SGCZ: variants seen among roughly 807,000 people sequenced by gnomAD.
SGCZ encodes the protein zeta-sarcoglycan.
Under a neutral mutation model 41.3 loss-of-function variants are expected in SGCZ, and 40 were observed. That is an observed-to-expected ratio of 0.97 (90% CI 0.75 to 1.26). SGCZ has a LOEUF of 1.26. SGCZ is among the 50% of genes most tolerant of loss of function. The pLI is 0.00. For missense variants in SGCZ, 552 were observed against 369.8 expected (o/e 1.49, Z -4.04); for synonymous variants, 206 against 137.5 (o/e 1.50, Z -3.49).
chr8:14,619,965 A>T (rs879797670), intron 1 of SGCZ, among the ~76,000 whole-genome samples: 84 of 152,330 alleles, frequency 5.5e-4, no homozygotes, highest in South Asian at 1.9e-3. Flanking sequence ...GAACCAAAAA[A>T]GGGCCCGCAT....
intron 1 of SGCZ, among the ~76,000 whole-genome samples, chr8:15,066,309 C>T (rs1052231852): frequency 1.9e-5 from 2 of 105,718 alleles, no homozygotes; most frequent in Non-Finnish European, 2.1e-5. Context: ...AGCGAGACTC[C>T]GTCTCCAAAA....
intron 1 of SGCZ, among the ~76,000 whole-genome samples, chr8:15,095,158 G>C (rs7825260): frequency 6.6e-6 from 1 of 151,978 alleles, no homozygotes; most frequent in Non-Finnish European, 1.5e-5. Flanking sequence ...GAGTGCAATG[G>C]CGTGATCTCA....
chr8:14,847,126 AAAGAAGAAGAAG>A (rs61002020), intron 1 of SGCZ, among the ~76,000 whole-genome samples: 2,568 of 126,414 alleles, frequency 0.02, 56 homozygotes, highest in African/African-American at 0.043. Flanking sequence ...GAAGAAGAAG[AAAGAAGAAGAAG>A]AAGAAGAAGA....
In SGCZ at chr8:14,754,022, GA is replaced by G. The variant is rs375607697; in HGVS notation, c.40-199097del. 4.5e-3 allele frequency among the ~76,000 whole-genome samples: 680 copies of G among 151,190 alleles called. 1 individual carries two copies. Among genetic ancestry groups the G allele is most frequent in the East Asian group, 9.7e-3 (50 of 5,162 alleles). On this transcript the variant is annotated intron_variant, in intron 1 of 7. Transcript: ENST00000382080. ...TTCAATTCAGGGCTATCTCATATAG[GA>G]AAAAAAAAGTTTGTTGCTTTGTTTG...
At chr8:14,823,237 C>T (rs1005165436) in intron 1 of SGCZ, among the ~76,000 whole-genome samples, 3 of 151,866 alleles carry the variant, frequency 2.0e-5, no homozygotes, top group South Asian at 4.2e-4. Context: ...AACAGAATTA[C>T]ATCAAACAAA....
At chr8:14,877,301 G>C (rs1411741169) in intron 1 of SGCZ, among the ~76,000 whole-genome samples, 3 of 152,100 alleles carry the variant, frequency 2.0e-5, no homozygotes. Flanking sequence ...GTATCTCTTT[G>C]TTTAGGCTAA....
At chr8:15,058,269 C>G (rs962012806) in intron 1 of SGCZ, among the ~76,000 whole-genome samples, 4 of 152,044 alleles carry the variant, frequency 2.6e-5, no homozygotes, top group Non-Finnish European at 4.4e-5. Context: ...CTCCATGTAT[C>G]TTTTCTATAC....
chr8:14,587,451 G>A (rs1464235327), intron 1 of SGCZ, among the ~76,000 whole-genome samples: 2 of 151,698 alleles, frequency 1.3e-5, no homozygotes, highest in African/African-American at 2.4e-5. Context: ...GCAGGAATAT[G>A]GCTTAAGCCT....
In SGCZ at chr8:14,769,008, T is replaced by C. The variant is rs191691905; in HGVS notation, c.40-214082A>G. Among the ~76,000 whole-genome samples the C allele has an allele frequency of 6.0e-3, 914 of 152,012 alleles. 4 individuals carry two copies. The highest frequency in any genetic ancestry group is 9.3e-3 in the Non-Finnish European group (632 of 67,944). On this transcript the variant is annotated intron_variant, in intron 1 of 7. Coordinates refer to ENST00000382080, the MANE Select transcript of SGCZ (RefSeq NM_139167.4). ...TAGATACGGGCTGAAATGTTTAAGATGGTTGAACACTCTCTGATACACACA... is the reference window on the plus strand; with the variant it reads ...TAGATACGGGCTGAAATGTTTAAGACGGTTGAACACTCTCTGATACACACA...
intron 2 of SGCZ, among the ~76,000 whole-genome samples, chr8:14,420,748 A>G (rs1243584452): frequency 6.6e-6 from 1 of 152,076 alleles, no homozygotes; most frequent in Non-Finnish European, 1.5e-5. Context: ...TTCCTAGTTG[A>G]GTATGTTTGT....
At chr8:15,212,677 T>A (rs996268604) in intron 1 of SGCZ, among the ~76,000 whole-genome samples, 9 of 152,096 alleles carry the variant, frequency 5.9e-5, no homozygotes, top group Non-Finnish European at 7.4e-5. Context: ...AAAACTGTTT[T>A]GGCATCTTAG....
At chr8:14,110,653 G>A (rs1202705865) in intron 5 of SGCZ, among the ~76,000 whole-genome samples, 2 of 152,114 alleles carry the variant, frequency 1.3e-5, no homozygotes, top group Admixed American at 6.6e-5. Context: ...TGTCCTGAAT[G>A]AGCCAAAGGT....
intron 1 of SGCZ, among the ~76,000 whole-genome samples, chr8:15,209,475 T>A (rs1260589343): frequency 7.0e-6 from 1 of 142,110 alleles, no homozygotes; most frequent in Admixed American, 7.2e-5. Context: ...AGCATAATAG[T>A]AAAAAAAAAA....
intron 1 of SGCZ, among the ~76,000 whole-genome samples, chr8:14,679,898 CTTTAAATAATTTTGATACACACTTACCA>C (rs1808389667): frequency 6.6e-6 from 1 of 151,672 alleles, no homozygotes; most frequent in Non-Finnish European, 1.5e-5. Context: ...ATTTTTTTAA[CTTTAAATAATTTTGATACACACTTACCA>C]TTGTGTTACA....
intron 1 of SGCZ, among the ~76,000 whole-genome samples, chr8:14,695,224 G>C (rs146397778): frequency 2.6e-5 from 4 of 152,176 alleles, no homozygotes; most frequent in African/African-American, 9.6e-5. Context: ...ATGATGTATT[G>C]CCATCACAAC....
intron 4 of SGCZ, among the ~76,000 whole-genome samples, chr8:14,170,057 ATTT>A (rs35045034): frequency 0.053 from 7,814 of 148,580 alleles, 266 homozygotes; most frequent in East Asian, 0.1. Flanking sequence ...CTTTCACTTG[ATTT>A]TTTTTTTTTT....
At chr8:14,164,211 A>G (rs781229822) in intron 5 of SGCZ, among the ~76,000 whole-genome samples, 4 of 152,306 alleles carry the variant, frequency 2.6e-5, no homozygotes, top group South Asian at 2.1e-4. Context: ...TTCTAAAGTT[A>G]AAATTTCCAT....
intron 1 of SGCZ, among the ~76,000 whole-genome samples, chr8:15,148,363 A>G (rs1799090177): frequency 6.6e-6 from 1 of 152,158 alleles, no homozygotes; most frequent in Non-Finnish European, 1.5e-5. Flanking sequence ...TTCTGGAAAA[A>G]GATGCCTCGA....
At chr8:14,521,128 T>G (rs1181847783) in intron 2 of SGCZ, among the ~76,000 whole-genome samples, 1 of 152,122 alleles carries the variant, frequency 6.6e-6, no homozygotes, top group Non-Finnish European at 1.5e-5. Flanking sequence ...GATACTGACA[T>G]TGAATAGTAA....
Sources: allele counts gnomAD v4.1 joint callset (sites outside exome capture counted in the v4.1 genomes callset), GRCh38; gene constraint gnomAD v4.1.1; transcripts MANE v1.5; gene names NCBI Gene and HGNC (gene_info 2026-07-23, HGNC 2026-07-21).